CSMD1: variants seen among roughly 807,000 people sequenced by gnomAD.
CSMD1 encodes the protein CUB and sushi domain-containing protein 1.
A neutral mutation model predicts 417.5 loss-of-function variants in CSMD1; 213 were observed. That is an observed-to-expected ratio of 0.51 (90% confidence interval 0.46 to 0.57). CSMD1 has a LOEUF of 0.57. Ranked by LOEUF, CSMD1 falls within the 20% of genes least tolerant of loss-of-function variation. CSMD1 has a pLI of 0.00. For synonymous variants in CSMD1, 2,862 were observed against 1,736.8 expected (o/e 1.65, Z -16.11); for missense variants, 6,923 against 4,529.7 (o/e 1.53, Z -15.17).
chr8:4,733,911 C>G (rs758476950), intron 1 of CSMD1, among the ~76,000 whole-genome samples: 6 of 152,042 alleles, frequency 3.9e-5, no homozygotes, highest in Admixed American at 1.3e-4. Flanking sequence ...TGGAAAAAAA[C>G]AGACAAGGAT....
At chr8:4,083,223 G>T (rs377555797) in intron 3 of CSMD1, among the ~76,000 whole-genome samples, 7 of 152,094 alleles carry the variant, frequency 4.6e-5, no homozygotes, top group African/African-American at 7.2e-5. Flanking sequence ...TAGTTTACAG[G>T]CCCACCAACA....
intron 3 of CSMD1, among the ~76,000 whole-genome samples, chr8:4,199,253 G>A (rs550083585): frequency 1.4e-4 from 22 of 152,258 alleles, no homozygotes; most frequent in East Asian, 7.7e-4. Context: ...GTGTGAACAC[G>A]CTAAATTCAT....
chr8:3,533,310 T>C (rs1419654840), intron 10 of CSMD1, among the ~76,000 whole-genome samples: 3 of 152,220 alleles, frequency 2.0e-5, no homozygotes, highest in Non-Finnish European at 4.4e-5. Context: ...TAATTAACTA[T>C]AAACCGAGAT....
intron 7 of CSMD1, among the ~76,000 whole-genome samples, chr8:3,654,917 C>A (rs1027436467): frequency 1.3e-5 from 2 of 152,172 alleles, no homozygotes. Context: ...ACAGTTGAGC[C>A]AGGGAGCATC....
In CSMD1 at chr8:4,545,965, G is replaced by A. The variant is rs543328920; in HGVS notation, c.302+91377C>T. Among the ~76,000 whole-genome samples, 14 of 150,704 alleles carry A rather than the reference G, an allele frequency of 9.3e-5. No homozygotes were observed. The South Asian group carries it at 1.9e-3, about 20-fold the overall frequency. Reference sequence around the variant, plus strand: ...TCAGAAAGAAACTTTCTCCCATGTCGCCTGAATCCCCTTCTTATGACCCCC... The same window carrying A: ...TCAGAAAGAAACTTTCTCCCATGTCACCTGAATCCCCTTCTTATGACCCCC... On this transcript the variant is annotated intron_variant, in intron 2 of 69. Coordinates refer to ENST00000635120, the MANE Select transcript of CSMD1 (RefSeq NM_033225.6).
chr8:3,523,006 T>TATACACAC (rs1554453429), intron 10 of CSMD1, among the ~76,000 whole-genome samples: 99 of 113,392 alleles, frequency 8.7e-4, no homozygotes, highest in African/African-American at 3.4e-3. Flanking sequence ...GATACATATA[T>TATACACAC]ACACACACCC....
intron 3 of CSMD1, among the ~76,000 whole-genome samples, chr8:4,293,235 C>G (rs1264221231): frequency 1.7e-4 from 26 of 152,116 alleles, no homozygotes; most frequent in Non-Finnish European, 5.9e-5. Context: ...AGGCCAGACT[C>G]CAAGGGCACA....
At chr8:4,324,906 T>C (rs1206525196) in intron 3 of CSMD1, among the ~76,000 whole-genome samples, 2 of 152,086 alleles carry the variant, frequency 1.3e-5, no homozygotes, top group East Asian at 1.9e-4. Context: ...GAGTCCTGAG[T>C]TGATTCTAGG....
intron 3 of CSMD1, among the ~76,000 whole-genome samples, chr8:4,185,548 A>C (rs1206767253): frequency 6.6e-6 from 1 of 152,172 alleles, no homozygotes; most frequent in Non-Finnish European, 1.5e-5. Context: ...ACATGCGCTA[A>C]TTTTTTAACA....
chr8:4,936,725 T>G (rs772226296), intron 1 of CSMD1, among the ~76,000 whole-genome samples: 3 of 152,224 alleles, frequency 2.0e-5, no homozygotes, highest in Non-Finnish European at 4.4e-5. Flanking sequence ...TCAATGTTAA[T>G]AGGCAGGACC....
chr8:4,358,217 A>G (rs1287054762), intron 3 of CSMD1, among the ~76,000 whole-genome samples: 1 of 152,180 alleles, frequency 6.6e-6, no homozygotes. Context: ...TTATAATTTT[A>G]TGTACCAAAT....
At chr8:3,582,439 G>C (rs933041372) in intron 9 of CSMD1, among the ~76,000 whole-genome samples, 2 of 152,150 alleles carry the variant, frequency 1.3e-5, no homozygotes, top group East Asian at 3.9e-4. Flanking sequence ...ATTGAAGAAA[G>C]AGTGTTCTAC....
intron 1 of CSMD1, among the ~76,000 whole-genome samples, chr8:4,881,858 TTTG>T (rs1315588130): frequency 2.0e-5 from 3 of 152,018 alleles, no homozygotes; most frequent in Admixed American, 6.6e-5. Context: ...ATTATTTTGT[TTTG>T]TTATTTTTCA....
chr8:3,677,364 G>C (rs535315644), intron 7 of CSMD1, among the ~76,000 whole-genome samples: 1 of 152,242 alleles, frequency 6.6e-6, no homozygotes, highest in African/African-American at 2.4e-5. Flanking sequence ...TAAATAAGCA[G>C]TTATTTGCCT....
chr8:4,099,187 TACACACTCACAC>T (rs751536424), intron 3 of CSMD1, among the ~76,000 whole-genome samples: 18 of 146,464 alleles, frequency 1.2e-4, no homozygotes, highest in Admixed American at 4.0e-4. Flanking sequence ...CACACACACA[TACACACTCACAC>T]ACACACGCAC....
chr8:3,951,478 C>T (rs1248556690), intron 5 of CSMD1, among the ~76,000 whole-genome samples: 1 of 152,062 alleles, frequency 6.6e-6, no homozygotes, highest in Non-Finnish European at 1.5e-5. Flanking sequence ...TGTGGGATTC[C>T]AACTGCTTGA....
At chr8:4,106,694 G>C (rs747907173) in intron 3 of CSMD1, among the ~76,000 whole-genome samples, 1 of 152,036 alleles carries the variant, frequency 6.6e-6, no homozygotes, top group Non-Finnish European at 1.5e-5. Flanking sequence ...TTCATACCAA[G>C]TCTTTAAGAT....
intron 7 of CSMD1, among the ~76,000 whole-genome samples, chr8:3,653,224 T>C (rs1245200909): frequency 6.6e-6 from 1 of 152,078 alleles, no homozygotes; most frequent in African/African-American, 2.4e-5. Flanking sequence ...ACTTTTCTTA[T>C]TTTTTACATT....
At chr8:4,242,991 C>G (rs188414040) in intron 3 of CSMD1, among the ~76,000 whole-genome samples, 1 of 152,226 alleles carries the variant, frequency 6.6e-6, no homozygotes, top group Admixed American at 6.5e-5. Context: ...AGTGAAGGCA[C>G]TAACTTGTTA....
Sources: allele counts gnomAD v4.1 joint callset (sites outside exome capture counted in the v4.1 genomes callset), GRCh38; gene constraint gnomAD v4.1.1; transcripts MANE v1.5; gene names NCBI Gene and HGNC (gene_info 2026-07-23, HGNC 2026-07-21).